Variants in STARD9 observed in about 807,000 individuals in gnomAD.
STARD9 encodes stAR-related lipid transfer protein 9.
Under a neutral mutation model 399.8 loss-of-function variants are expected in STARD9, and 346 were observed. The ratio of observed to expected loss-of-function variants is 0.87; its 90% CI spans 0.79 to 0.95. STARD9 has a LOEUF of 0.95. Among genes scored for constraint, STARD9 ranks in the 40% least tolerant of loss-of-function variants. The probability of loss-of-function intolerance (pLI) is 0.00; values close to 1 mark genes in which losing one functional copy is unlikely to be tolerated. For missense variants in STARD9, 5,832 were observed against 5,667.5 expected (o/e 1.03, Z -0.93); for synonymous variants, 2,203 against 2,143.5 (o/e 1.03, Z -0.77).
chr15:42,596,144 G>A (rs545373885), intron 3 of STARD9, among the ~76,000 whole-genome samples: 2 of 152,316 alleles, frequency 1.3e-5, no homozygotes, highest in East Asian at 3.9e-4. Context: ...CCTTGTGGTA[G>A]CTAGAGCCCT....
intron 7 of STARD9, 64 bp downstream of exon 7, chr15:42,638,876 C>T (rs1157068429): frequency 5.4e-6 from 5 of 931,820 alleles, no homozygotes; most frequent in Non-Finnish European, 8.0e-6. Context: ...TCCTAATGTT[C>T]CCTAATTCAT....
intron 9 of STARD9, among the ~76,000 whole-genome samples, chr15:42,658,260 T>A (rs1323766376): frequency 6.6e-6 from 1 of 151,136 alleles, no homozygotes. Flanking sequence ...TCCTCCCACC[T>A]CAGCCTCCCA....
At position 42,685,532 on chromosome 15, in the gene STARD9, C is replaced by T. The variant is rs767745806; in HGVS notation, c.3954C>T (p.Ala1318=). 35 of 1,537,372 alleles carry T rather than the reference C, an allele frequency of 2.3e-5. No homozygotes were observed. The Admixed American group carries it at 3.5e-4, about 16-fold the overall frequency. The change falls in exon 23 of 33, where the codon GCC becomes GCT. Residue 1318 remains alanine (A), a synonymous_variant. Coordinates refer to ENST00000290607, the MANE Select transcript of STARD9 (RefSeq NM_020759.3). ...SQVEPSYSEQ[A]DSLQGMQLSR... ...TAGAGCCAAGCTACTCTGAACAAGC[C>T]GACTCTCTCCAAGGCATGCAGCTTT...
chr15:42,675,490 T>A, intron 18 of STARD9, 174 bp from the exon 19 acceptor site: 1 of 595,740 alleles, frequency 1.7e-6, no homozygotes. Flanking sequence ...CCTGTCTGTC[T>A]TATTAATTCA....
chr15:42,583,530 T>C (rs1037613227), intron 2 of STARD9, 115 bp downstream of exon 2: 5 of 692,110 alleles, frequency 7.2e-6, no homozygotes, highest in Non-Finnish European at 1.2e-5. Context: ...GGAAGGGGTA[T>C]ATAAGAGGAA....
intron 26 of STARD9, among the ~76,000 whole-genome samples, chr15:42,709,236 C>T (rs147486484): frequency 5.8e-4 from 88 of 152,240 alleles, no homozygotes; most frequent in African/African-American, 2.0e-3. Flanking sequence ...TCTCTACACA[C>T]ACACACACAA....
intron 26 of STARD9, among the ~76,000 whole-genome samples, chr15:42,704,653 A>G (rs2061037132): frequency 6.6e-6 from 1 of 152,162 alleles, no homozygotes; most frequent in African/African-American, 2.4e-5. Flanking sequence ...GATGGACCTG[A>G]GTAAGACCCA....
chr15:42,688,401 G>C lies in STARD9; in HGVS notation c.6823G>C (p.Val2275Leu). The C allele has an allele frequency of 6.5e-7, 1 of 1,537,572 alleles. No homozygotes were observed. Among genetic ancestry groups the C allele is most frequent in the Non-Finnish European group, 8.7e-7 (1 of 1,147,002 alleles). ...AGAAGAGCCAAAAGCTCAAGGTAAAGTTGAAGAAATGCCTATGCAAAGGGG... is the reference window on the plus strand; with the variant it reads ...AGAAGAGCCAAAAGCTCAAGGTAAACTTGAAGAAATGCCTATGCAAAGGGG... ...NQEEPKAQGK[V>L]EEMPMQRGGS... is the part of the protein sequence containing the mutation. Residue 2275 changes from valine (V) to leucine (L), a missense_variant, in exon 23 of 33, where the codon GTT (valine) becomes CTT (leucine). Coordinates refer to ENST00000290607, the MANE Select transcript of STARD9 (RefSeq NM_020759.3).
chr15:42,627,966 A>G (rs1193472312), intron 3 of STARD9, among the ~76,000 whole-genome samples: 1 of 152,190 alleles, frequency 6.6e-6, no homozygotes, highest in Non-Finnish European at 1.5e-5. Flanking sequence ...GCTGGATCAT[A>G]TGGTAATTTT....
At chr15:42,677,689 G>A (rs894966778) in intron 20 of STARD9, among the ~76,000 whole-genome samples, 2 of 152,188 alleles carry the variant, frequency 1.3e-5, no homozygotes, top group African/African-American at 2.4e-5. Flanking sequence ...AAAGCTGTGT[G>A]ACCTTAGGCA....
At chr15:42,682,013 G>A in intron 21 of STARD9, 91 bp from the exon 22 acceptor site, 1 of 859,240 alleles carries the variant, frequency 1.2e-6, no homozygotes, top group Non-Finnish European at 1.8e-6. Context: ...ACTCCACACA[G>A]GTCCAGCCAT....
chr15:42,701,420 C>T (rs555534142), intron 26 of STARD9, among the ~76,000 whole-genome samples: 1 of 152,224 alleles, frequency 6.6e-6, no homozygotes, highest in South Asian at 2.1e-4. Flanking sequence ...TTTCTTTCAT[C>T]CGTGTTTTAC....
At chr15:42,664,052 A>G in intron 13 of STARD9, 135 bp downstream of exon 13, 1 of 633,222 alleles carries the variant, frequency 1.6e-6, no homozygotes, top group South Asian at 1.9e-5. Context: ...GAGGGAGTAG[A>G]ATTCTTTCTT....
chr15:42,636,234 T>G (rs2059416078), intron 4 of STARD9, among the ~76,000 whole-genome samples: 1 of 152,100 alleles, frequency 6.6e-6, no homozygotes. Flanking sequence ...AGGTTGAGGC[T>G]GCAGTGATTA....
chr15:42,623,976 A>G lies in STARD9; in HGVS notation c.235-10880A>G, dbSNP rs375532756. Among the ~76,000 whole-genome samples the G allele has an allele frequency of 5.2e-5, 8 of 152,384 alleles. No homozygotes were observed. The East Asian group carries it at 5.8e-4, about 11-fold the overall frequency. On this transcript the variant is annotated intron_variant, in intron 3 of 32. Transcript: ENST00000290607. ...CTAGGCTTACAATGGGAATAGATGC[A>G]TCTATAAACATTTATATTGGGTAGA... is the stretch of plus-strand genomic sequence containing the variant.
intron 10 of STARD9, among the ~76,000 whole-genome samples, chr15:42,662,510 A>G (rs1225647429): frequency 1.3e-5 from 2 of 152,260 alleles, no homozygotes; most frequent in Non-Finnish European, 2.9e-5. Flanking sequence ...CCGTGCTAAT[A>G]TCATTACTGT....
rs867861887 is a variant in STARD9, at chr15:42,700,241, T to C, written c.13284+4361T>C. Among the ~76,000 whole-genome samples the C allele has an allele frequency of 3.3e-5, 5 of 152,254 alleles. No individual in the cohort carries two copies. In the South Asian group the frequency reaches 1.0e-3, roughly 31 times the overall value. On this transcript the variant is annotated intron_variant, in intron 26 of 32. Coordinates refer to ENST00000290607, the MANE Select transcript of STARD9 (RefSeq NM_020759.3). ...ATTGTGAGTAGTGCTGCAATAAATA[T>C]GGGAGTGTAGATATCTCTTTGACAT...
intron 3 of STARD9, among the ~76,000 whole-genome samples, chr15:42,596,561 G>A (rs534142782): frequency 6.6e-6 from 1 of 152,286 alleles, no homozygotes; most frequent in East Asian, 1.9e-4. Flanking sequence ...CTGCTAACAG[G>A]TGCTAAATTT....
At chr15:42,710,913 CTGTGTGTG>C (rs67998439) in intron 26 of STARD9, among the ~76,000 whole-genome samples, 1 of 144,680 alleles carries the variant, frequency 6.9e-6, no homozygotes, top group African/African-American at 2.7e-5. Flanking sequence ...CTCTCTCTCT[CTGTGTGTG>C]TGTGTCTGTC....
Sources: gnomAD v4.1 joint callset for allele counts (sites outside exome capture counted in the v4.1 genomes callset) on GRCh38, gnomAD v4.1.1 for gene constraint, MANE v1.5 for transcripts, NCBI Gene and HGNC (gene_info 2026-07-23, HGNC 2026-07-21) for gene names.